The following PMS1 variants were observed in gnomAD, a reference collection of about 807,000 sequenced individuals.
PMS1 encodes the protein PMS1 protein homolog 1.
Under a neutral mutation model 93.1 loss-of-function variants are expected in PMS1, and 79 were observed. The observed-to-expected ratio is 0.85, with a 90% confidence interval of 0.71 to 1.02. The LOEUF (loss-of-function observed/expected upper bound fraction) is 1.02. Ranked by LOEUF, PMS1 falls within the 50% of genes least tolerant of loss-of-function variation. PMS1 has a pLI of 0.00. For missense variants in PMS1, 1,064 were observed against 1,085.3 expected (o/e 0.98, Z 0.28); for synonymous variants, 335 against 363.4 (o/e 0.92, Z 0.89).
intron 7 of PMS1, among the ~76,000 whole-genome samples, chr2:189,853,041 G>GT (rs909609282): frequency 9.9e-5 from 15 of 151,816 alleles, no homozygotes; most frequent in East Asian, 3.9e-4. Context: ...AGAGTTAGTA[G>GT]TTTTTTTTGT....
intron 5 of PMS1, among the ~76,000 whole-genome samples, chr2:189,830,572 TTCTC>T (rs1200671010): frequency 6.6e-6 from 1 of 152,264 alleles, no homozygotes; most frequent in African/African-American, 2.4e-5. Context: ...TCTTGATTTA[TTCTC>T]TCTCCTCCTC....
In PMS1 at chr2:189,864,728, A is replaced by T. The variant is rs1559325007; in HGVS notation, c.2342+500A>T. Among the ~76,000 whole-genome samples the T allele has an allele frequency of 6.4e-5, 6 of 93,130 alleles. 1 individual carries two copies. Among genetic ancestry groups the T allele is most frequent in the African/African-American group, 2.4e-4 (6 of 24,846 alleles). 61.1% of individuals were successfully genotyped at this position (93,130 alleles called of 152,430 possible). ...TATATATATATATATATATATATAT[A>T]TATATATGATTTCTAATCTTTAATG... On this transcript the variant is annotated intron_variant, in intron 10 of 12. Transcript: ENST00000441310.
At chr2:189,829,457 T>C (rs1222698543) in intron 5 of PMS1, among the ~76,000 whole-genome samples, 1 of 152,166 alleles carries the variant, frequency 6.6e-6, no homozygotes. Flanking sequence ...TGCCCCCTGG[T>C]GTCCTTGGTT....
chr2:189,792,834 C>G (rs2049010348), intron 2 of PMS1, among the ~76,000 whole-genome samples: 1 of 150,550 alleles, frequency 6.6e-6, no homozygotes, highest in South Asian at 2.1e-4. Flanking sequence ...TTTTTTGAGG[C>G]AGAGTCTCGC....
intron 10 of PMS1, chr2:189,864,465 G>A (rs531348655): frequency 9.5e-6 from 4 of 419,466 alleles, no homozygotes; most frequent in Non-Finnish European, 1.8e-5. Flanking sequence ...AGACCAGCCT[G>A]GCCAACATAG....
chr2:189,874,224 TA>T (rs1198270282), intron 12 of PMS1, among the ~76,000 whole-genome samples: 3 of 152,194 alleles, frequency 2.0e-5, no homozygotes, highest in Non-Finnish European at 4.4e-5. Context: ...ATAAATGAGA[TA>T]TTTTGCAGTG....
intron 5 of PMS1, among the ~76,000 whole-genome samples, chr2:189,819,546 A>G (rs2106331312): frequency 6.6e-6 from 1 of 152,210 alleles, no homozygotes; most frequent in East Asian, 1.9e-4. Flanking sequence ...AACATCTGTT[A>G]TTTTTCATCC....
At chr2:189,846,508 C>T (rs533158489) in intron 6 of PMS1, among the ~76,000 whole-genome samples, 11 of 146,282 alleles carry the variant, frequency 7.5e-5, no homozygotes, top group East Asian at 6.1e-4. Context: ...AGCAAGACTC[C>T]GTCTCAAAAA....
At chr2:189,805,399 C>T (rs1461906542) in intron 3 of PMS1, among the ~76,000 whole-genome samples, 1 of 152,042 alleles carries the variant, frequency 6.6e-6, no homozygotes, top group Non-Finnish European at 1.5e-5. Context: ...TTCAGGTATA[C>T]TTGTTTGTGT....
intron 4 of PMS1, among the ~76,000 whole-genome samples, chr2:189,810,269 T>C (rs3791771): frequency 6.6e-6 from 1 of 152,210 alleles, no homozygotes; most frequent in Non-Finnish European, 1.5e-5. Flanking sequence ...CATTGCTATC[T>C]GCGTAGCAAT....
chr2:189,802,208 A>C (rs1333386926), intron 3 of PMS1, among the ~76,000 whole-genome samples: 1 of 152,128 alleles, frequency 6.6e-6, no homozygotes, highest in Non-Finnish European at 1.5e-5. Context: ...TGACCCCACC[A>C]CTTCGCTATG....
At chr2:189,814,751 A>G (rs1357747335) in intron 4 of PMS1, among the ~76,000 whole-genome samples, 1 of 152,122 alleles carries the variant, frequency 6.6e-6, no homozygotes, top group Non-Finnish European at 1.5e-5. Flanking sequence ...ACATAGTTCC[A>G]CTGTAGAAGC....
intron 6 of PMS1, among the ~76,000 whole-genome samples, chr2:189,850,821 G>A (rs2054627793): frequency 6.6e-6 from 1 of 152,062 alleles, no homozygotes; most frequent in South Asian, 2.1e-4. Context: ...ATAAGAGAAG[G>A]GCTGCGTAGT....
At chr2:189,799,371 T>C (rs1297529234) in intron 3 of PMS1, among the ~76,000 whole-genome samples, 1 of 152,110 alleles carries the variant, frequency 6.6e-6, no homozygotes, top group African/African-American at 2.4e-5. Flanking sequence ...ACACAATGAA[T>C]TTTTACATAT....
chr2:189,844,122 T>G (rs752332605), intron 6 of PMS1, 42 bp downstream of exon 6: 1 of 1,610,406 alleles, frequency 6.2e-7, no homozygotes. Context: ...GATTTACTCA[T>G]GAAGCTGTTC....
chr2:189,853,245 T>G (rs1376780202), intron 7 of PMS1, among the ~76,000 whole-genome samples: 2 of 152,022 alleles, frequency 1.3e-5, no homozygotes, highest in South Asian at 2.1e-4. Context: ...TTAGTAGAGA[T>G]GGGGTTTCAC....
chr2:189,851,492 ATTAAT>A lies in PMS1; in HGVS notation c.700-1159_700-1155del, dbSNP rs1399055905. ...TATCATTTTATAATGGATTATACAG[ATTAAT>A]TTATTTTTTCAAATTGGCACAATTT... On this transcript the variant is annotated intron_variant, in intron 6 of 12. Transcript: ENST00000441310. Among the ~76,000 whole-genome samples the A allele has an allele frequency of 2.6e-5, 4 of 152,280 alleles. No homozygotes were observed. In the East Asian group the frequency reaches 5.8e-4, roughly 22 times the overall value.
intron 1 of PMS1, among the ~76,000 whole-genome samples, chr2:189,787,268 A>G (rs1389611682): frequency 6.6e-6 from 1 of 152,168 alleles, no homozygotes; most frequent in African/African-American, 2.4e-5. Flanking sequence ...TACTTTTTCT[A>G]ATGTTTGCGT....
chr2:189,807,456 A>C (rs1423543744), intron 4 of PMS1, among the ~76,000 whole-genome samples: 3 of 152,224 alleles, frequency 2.0e-5, no homozygotes, highest in African/African-American at 7.2e-5. Context: ...TACGAGTTCA[A>C]ATTAGGACAC....
Sources: gnomAD v4.1 joint callset for allele counts (sites outside exome capture counted in the v4.1 genomes callset) on GRCh38, gnomAD v4.1.1 for gene constraint, MANE v1.5 for transcripts, NCBI Gene and HGNC (gene_info 2026-07-23, HGNC 2026-07-21) for gene names.